The following AKAP7 variants were observed in gnomAD, a reference collection of about 807,000 sequenced individuals.
AKAP7 encodes A-kinase anchoring protein 7, also known as A kinase (PRKA) anchor protein 7.
A neutral mutation model predicts 39.5 loss-of-function variants in AKAP7; 39 were observed. The observed-to-expected ratio is 0.99, with a 90% confidence interval of 0.76 to 1.29. The LOEUF (loss-of-function observed/expected upper bound fraction) is 1.29, where lower values mean the gene tolerates loss of function less well. Ranked by LOEUF, AKAP7 falls within the 50% of genes most tolerant of loss-of-function variation. The pLI, the probability that AKAP7 is intolerant of heterozygous loss-of-function variation, is 0.00. For synonymous variants in AKAP7, 140 were observed against 139.1 expected, an observed-to-expected ratio of 1.01 and a Z score of -0.05; for missense variants, 414 against 407.7, an observed-to-expected ratio of 1.02 and a Z score of -0.13.
chr6:131,168,175 G>C (rs1584995644), intron 4 of AKAP7, among the ~76,000 whole-genome samples: 1 of 152,148 alleles, frequency 6.6e-6, no homozygotes, highest in Admixed American at 6.5e-5. Flanking sequence ...AATTTGGGAG[G>C]CCAAGGCAGG....
intron 2 of AKAP7, among the ~76,000 whole-genome samples, chr6:131,146,962 C>T (rs1024956390): frequency 1.3e-5 from 2 of 152,228 alleles, no homozygotes; most frequent in Admixed American, 6.5e-5. Flanking sequence ...CAGCTATCAT[C>T]TCATAAGATG....
At chr6:131,132,375 C>T (rs749319390), upstream of AKAP7, among the ~76,000 whole-genome samples, 16 of 151,690 alleles carry the variant, frequency 1.1e-4, no homozygotes, top group Non-Finnish European at 2.2e-4. Context: ...AAAAAAGAAC[C>T]AGGTTGCCCA....
At chr6:131,199,953 T>A (rs1807378731) in intron 6 of AKAP7, 1 of 220,848 alleles carries the variant, frequency 4.5e-6, no homozygotes, top group Non-Finnish European at 8.9e-6. Context: ...GTTACGCTGG[T>A]GCTGCTCACC....
intron 5 of AKAP7, among the ~76,000 whole-genome samples, chr6:131,173,694 T>C (rs1261370577): frequency 6.6e-6 from 1 of 152,214 alleles, no homozygotes. Context: ...CTTTTCTTCC[T>C]GGGCAAATCA....
At chr6:131,155,714 C>T (rs943623725) in intron 2 of AKAP7, among the ~76,000 whole-genome samples, 1 of 152,062 alleles carries the variant, frequency 6.6e-6, no homozygotes, top group African/African-American at 2.4e-5. Context: ...CAAAGGTGAC[C>T]TGTGAGTTTT....
At chr6:131,216,421 T>A (rs1585109261) in intron 6 of AKAP7, among the ~76,000 whole-genome samples, 2 of 152,326 alleles carry the variant, frequency 1.3e-5, no homozygotes, top group South Asian at 4.1e-4. Flanking sequence ...GATTGAGCCA[T>A]CAGATGATTC....
At chr6:131,194,162 T>C (rs935592333) in intron 5 of AKAP7, among the ~76,000 whole-genome samples, 2 of 152,052 alleles carry the variant, frequency 1.3e-5, no homozygotes, top group African/African-American at 4.8e-5. Flanking sequence ...TTTTTTGATG[T>C]AGGCACTTAA....
intron 7 of AKAP7, chr6:131,250,398 C>T (rs1812346319): frequency 2.1e-6 from 3 of 1,450,660 alleles, no homozygotes; most frequent in Admixed American, 2.3e-5. Flanking sequence ...CAGCAAGTTC[C>T]CTTCTCCTTT....
intron 7 of AKAP7, among the ~76,000 whole-genome samples, chr6:131,273,089 C>G (rs1814427323): frequency 6.6e-6 from 1 of 152,120 alleles, no homozygotes; most frequent in Non-Finnish European, 1.5e-5. Flanking sequence ...TATATAATAT[C>G]TCTTCCGGGT....
intron 6 of AKAP7, among the ~76,000 whole-genome samples, chr6:131,213,501 A>G (rs1808868796): frequency 6.6e-6 from 1 of 152,224 alleles, no homozygotes; most frequent in Non-Finnish European, 1.5e-5. Flanking sequence ...AGAGCAAAAC[A>G]TTAGGAAAAC....
At chr6:131,131,763 C>T (rs1461052490), upstream of AKAP7, among the ~76,000 whole-genome samples, 1 of 152,016 alleles carries the variant, frequency 6.6e-6, no homozygotes, top group African/African-American at 2.4e-5. Flanking sequence ...AGGGTGGGGT[C>T]AGGGACTGTT....
chr6:131,246,525 T>C (rs187538597), intron 7 of AKAP7, among the ~76,000 whole-genome samples: 2 of 152,288 alleles, frequency 1.3e-5, no homozygotes, highest in East Asian at 3.9e-4. Context: ...TAATAAAAGG[T>C]CATGAATATT....
At chr6:131,206,538 G>C (rs571354444) in intron 6 of AKAP7, among the ~76,000 whole-genome samples, 4 of 152,192 alleles carry the variant, frequency 2.6e-5, no homozygotes, top group African/African-American at 9.6e-5. Flanking sequence ...GAGAGCATAT[G>C]GTTGAAAATT....
At chr6:131,183,710 G>A (rs965177352) in intron 5 of AKAP7, among the ~76,000 whole-genome samples, 1 of 152,158 alleles carries the variant, frequency 6.6e-6, no homozygotes, top group African/African-American at 2.4e-5. Flanking sequence ...CTGGGGTGGG[G>A]TGGACTGGGA....
At chr6:131,177,470 T>C (rs1804694367) in intron 5 of AKAP7, among the ~76,000 whole-genome samples, 1 of 152,182 alleles carries the variant, frequency 6.6e-6, no homozygotes, top group South Asian at 2.1e-4. Context: ...TATGAGAGCG[T>C]ACTCTTTAGT....
rs1299712405 is a variant in AKAP7, at chr6:131,283,471, CATTT to C, written c.*1751_*1754del. 2.0e-5 allele frequency: 3 copies of C among 152,264 alleles called. No homozygotes were observed. Among genetic ancestry groups the C allele is most frequent in the Admixed American group, 2.0e-4 (3 of 15,286 alleles). The allele number at this position is 152,264 out of a possible 1,614,324, so 9.4% of individuals were successfully genotyped here. ...TTTTTTCACTGGGTAAATTATACTA[CATTT>C]ATTTACAAATGAGTTTATGCATTTT... On this transcript the variant is annotated 3_prime_UTR_variant, in exon 8 of 8. Transcript: ENST00000431975.
At chr6:131,211,683 G>T (rs1808658695) in intron 6 of AKAP7, among the ~76,000 whole-genome samples, 1 of 146,658 alleles carries the variant, frequency 6.8e-6, no homozygotes. Flanking sequence ...TGAGGCAGGG[G>T]AATGGCGAGA....
intron 1 of AKAP7, among the ~76,000 whole-genome samples, chr6:131,143,094 G>A (rs1012389269): frequency 3.9e-5 from 6 of 152,212 alleles, no homozygotes; most frequent in Non-Finnish European, 7.3e-5. Context: ...ATAGGTGGAA[G>A]AAACTTACCT....
intron 7 of AKAP7, among the ~76,000 whole-genome samples, chr6:131,241,626 T>TGTGTATAC (rs1562238185): frequency 1.1e-4 from 15 of 135,640 alleles, no homozygotes; most frequent in Admixed American, 2.2e-4. Flanking sequence ...TGTGTGTGTG[T>TGTGTATAC]GTATATATAT....
Sources: allele counts gnomAD v4.1 joint callset (sites outside exome capture counted in the v4.1 genomes callset), GRCh38; gene constraint gnomAD v4.1.1; transcripts MANE v1.5; gene names NCBI Gene and HGNC (gene_info 2026-07-23, HGNC 2026-07-21).